CTNNB1: variants seen among roughly 807,000 people sequenced by gnomAD.
CTNNB1 encodes the protein catenin beta 1.
CTNNB1 carries 6 observed loss-of-function variants against 82.5 expected under a neutral mutation model. That is an observed-to-expected ratio of 0.07 (90% CI 0.04 to 0.14). The LOEUF (loss-of-function observed/expected upper bound fraction) is 0.14, where lower values mean the gene tolerates loss of function less well. Ranked by LOEUF, CTNNB1 falls within the 10% of genes least tolerant of loss-of-function variation. CTNNB1 has a pLI of 1.00. For synonymous variants in CTNNB1, 312 were observed against 329.7 expected (o/e 0.95, Z 0.58); for missense variants, 529 against 980.4 (o/e 0.54, Z 6.15).
Position 41,216,492 on chromosome 3 carries a change from A to G in CTNNB1, c.-48-7529A>G, listed in dbSNP as rs185371651. 4.6e-3 allele frequency among the ~76,000 whole-genome samples: 703 copies of G among 152,360 alleles called. 5 individuals carry two copies. Among genetic ancestry groups the G allele is most frequent in the African/African-American group, 0.016 (654 of 41,588 alleles). ...CACATGTAAAGTGACATTTGCTTAA[A>G]TATTGAAAAATTTGTAGTACTATTT... On this transcript the variant is annotated intron_variant, in intron 1 of 14. Coordinates refer to ENST00000349496, the MANE Select transcript of CTNNB1 (RefSeq NM_001904.4).
chr3:41,234,371 C>G, intron 10 of CTNNB1, 74 bp downstream of exon 10: 1 of 1,491,364 alleles, frequency 6.7e-7, no homozygotes, highest in Non-Finnish European at 9.3e-7. Context: ...GAACTTCTTT[C>G]TTTGGTCATT....
intron 1 of CTNNB1, among the ~76,000 whole-genome samples, chr3:41,213,704 A>T (rs1330184114): frequency 6.6e-6 from 1 of 152,222 alleles, no homozygotes. Flanking sequence ...AAATTGAGAA[A>T]ACAAAAAAAT....
intron 7 of CTNNB1, among the ~76,000 whole-genome samples, chr3:41,230,002 A>G (rs1445960162): frequency 6.6e-6 from 1 of 152,158 alleles, no homozygotes; most frequent in African/African-American, 2.4e-5. Flanking sequence ...CAAGCTTCAA[A>G]TCAGTATTGA....
intron 1 of CTNNB1, among the ~76,000 whole-genome samples, chr3:41,209,004 C>T (rs1362850132): frequency 2.0e-5 from 3 of 152,182 alleles, no homozygotes; most frequent in South Asian, 2.1e-4. Context: ...GTGACCACCA[C>T]GTTATAAATT....
intron 1 of CTNNB1, among the ~76,000 whole-genome samples, chr3:41,217,686 C>T (rs1209664559): frequency 6.6e-6 from 1 of 152,168 alleles, no homozygotes; most frequent in African/African-American, 2.4e-5. Flanking sequence ...CTAGTTTCAC[C>T]ATATCCTTAT....
chr3:41,201,715 G>C (rs1041763291), intron 1 of CTNNB1, among the ~76,000 whole-genome samples: 1 of 151,762 alleles, frequency 6.6e-6, no homozygotes. Flanking sequence ...AAAATAAGGT[G>C]GCTAATTAAA....
intron 10 of CTNNB1, 112 bp from the exon 11 acceptor site, chr3:41,235,612 G>T: frequency 7.1e-7 from 1 of 1,411,504 alleles, no homozygotes; most frequent in Admixed American, 1.7e-5. Context: ...TGAACTAATT[G>T]CAAGTTACGG....
chr3:41,234,239 G>A lies in CTNNB1; in HGVS notation c.1625G>A (p.Arg542His), dbSNP rs551257843. ...AIPRLVQLLV[R>H]AHQDTQRRTS... is the part of the protein sequence containing the mutation. ...CCACGACTAGTTCAGTTGCTTGTTC[G>A]TGCACATCAGGATACCCAGCGCCGT... The change falls in exon 10 of 15, where the codon CGT becomes CAT. Residue 542 changes from arginine to histidine, a missense_variant. By Grantham distance (29) the Arg-to-His change is conservative (BLOSUM62 0). Around this residue, in one of 4 missense-constraint regions of CTNNB1, gnomAD observed 411 missense variants for 776.4 expected, o/e 0.53. Transcript: ENST00000349496. 1 of 1,614,138 alleles carries A rather than the reference G, an allele frequency of 6.2e-7. No individual in the cohort carries two copies. Among genetic ancestry groups the A allele is most frequent in the African/African-American group, 1.3e-5 (1 of 75,028 alleles).
At chr3:41,204,481 T>A (rs2077603334) in intron 1 of CTNNB1, among the ~76,000 whole-genome samples, 2 of 152,222 alleles carry the variant, frequency 1.3e-5, no homozygotes, top group African/African-American at 4.8e-5. Flanking sequence ...TACTACATTG[T>A]AGTGGGAATG....
Position 41,234,503 on chromosome 3 carries a change from C to T in CTNNB1, c.1683+206C>T, listed in dbSNP as rs971619415. Reference sequence around the variant, plus strand: ...GGCCCCAGTGATATTTCCTTGGACACGTCCTTCACATGGTCAGTCTTACAA... The same window carrying T: ...GGCCCCAGTGATATTTCCTTGGACATGTCCTTCACATGGTCAGTCTTACAA... On this transcript the variant is annotated intron_variant, in intron 10 of 14. Coordinates refer to ENST00000349496, the MANE Select transcript of CTNNB1 (RefSeq NM_001904.4). 3.8e-5 allele frequency: 23 copies of T among 601,830 alleles called. No individual in the cohort carries two copies. In the Admixed American group the frequency reaches 5.4e-4, roughly 14 times the overall value. The allele number at this position is 601,830 out of a possible 1,614,324, so 37.3% of individuals were successfully genotyped here. A position where few individuals can be genotyped will look rare whatever the true frequency, so the allele number is the denominator to read the frequency against.
intron 1 of CTNNB1, among the ~76,000 whole-genome samples, chr3:41,215,680 C>A (rs966587300): frequency 1.3e-5 from 2 of 152,084 alleles, no homozygotes; most frequent in Admixed American, 6.5e-5. Flanking sequence ...GAAACTCTTA[C>A]AACACGTCGA....
chr3:41,234,636 G>A, intron 10 of CTNNB1: 1 of 347,214 alleles, frequency 2.9e-6, no homozygotes, highest in Non-Finnish European at 5.5e-6. Context: ...TGTAATTTCA[G>A]AGCCTCTTAC....
intron 14 of CTNNB1, chr3:41,238,456 A>ACAT (rs1361550218): frequency 9.0e-6 from 2 of 222,194 alleles, no homozygotes; most frequent in Non-Finnish European, 1.8e-5. Flanking sequence ...GTGGGTTTTT[A>ACAT]CATAGTTGCA....
chr3:41,233,147 A>G, intron 7 of CTNNB1, 194 bp from the exon 8 acceptor site: 1 of 635,108 alleles, frequency 1.6e-6, no homozygotes. Context: ...AGAGTTTGTC[A>G]CTAGTGAGGT....
intron 1 of CTNNB1, among the ~76,000 whole-genome samples, chr3:41,212,575 C>T (rs2077818989): frequency 1.3e-5 from 2 of 152,202 alleles, no homozygotes; most frequent in African/African-American, 4.8e-5. Context: ...TCTAGCACAG[C>T]ACTGTCCAGT....
intron 1 of CTNNB1, among the ~76,000 whole-genome samples, chr3:41,202,808 C>G (rs1370014878): frequency 1.3e-5 from 2 of 152,100 alleles, no homozygotes; most frequent in Non-Finnish European, 2.9e-5. Context: ...TTTTTCATCA[C>G]TTAAACTCAG....
At chr3:41,230,247 G>C (rs1280501066) in intron 7 of CTNNB1, among the ~76,000 whole-genome samples, 1 of 152,162 alleles carries the variant, frequency 6.6e-6, no homozygotes, top group Non-Finnish European at 1.5e-5. Context: ...TCTGTCAGCT[G>C]TTCCAGCAGT....
chr3:41,225,431 T>C lies in CTNNB1; in HGVS notation c.593T>C (p.Ile198Thr). The C allele has an allele frequency of 6.2e-7, 1 of 1,613,906 alleles. No homozygotes were observed. Among genetic ancestry groups the C allele is most frequent in the Non-Finnish European group, 8.5e-7 (1 of 1,179,934 alleles). ...IMRSPQMVSA[I>T]VRTMQNTNDV... ...CGTTCTCCTCAGATGGTGTCTGCTATTGTACGTACCATGCAGAATACAAAT... is the reference window on the plus strand; with the variant it reads ...CGTTCTCCTCAGATGGTGTCTGCTACTGTACGTACCATGCAGAATACAAAT... The change falls in exon 5 of 15, where the codon ATT becomes ACT. Residue 198 changes from isoleucine (I) to threonine (T), a missense_variant. By Grantham distance (89) the Ile-to-Thr change is moderately conservative. This residue lies in a region of CTNNB1 where 411 missense variants were observed against 776.4 expected (regional missense o/e 0.53). Coordinates refer to ENST00000349496, the MANE Select transcript of CTNNB1 (RefSeq NM_001904.4). The surrounding 1 kb of genome is among the most constrained non-coding windows in gnomAD (Gnocchi z 5.3).
intron 2 of CTNNB1, 190 bp from the exon 3 acceptor site, chr3:41,224,336 G>T: frequency 1.4e-6 from 1 of 707,504 alleles, no homozygotes; most frequent in Non-Finnish European, 2.4e-6. Flanking sequence ...GTAACTGTTA[G>T]GTGGTTCCCT....
Sources: gnomAD v4.1 joint callset for allele counts (sites outside exome capture counted in the v4.1 genomes callset) on GRCh38, gnomAD v4.1.1 for gene constraint, gnomAD v4.1.1 regional missense constraint, Gnocchi (gnomAD v3.1) non-coding constraint, MANE v1.5 for transcripts, NCBI Gene and HGNC (gene_info 2026-07-23, HGNC 2026-07-21) for gene names.